Variants in C5 observed in about 807,000 individuals in gnomAD.
The protein encoded by C5 is C3 and PZP-like alpha-2-macroglobulin domain-containing protein 4.
C5 carries 140 observed loss-of-function variants against 218.8 expected under a neutral mutation model. That is an observed-to-expected ratio of 0.64 (90% CI 0.56 to 0.74). The LOEUF (loss-of-function observed/expected upper bound fraction) is 0.74. Ranked by LOEUF, C5 falls within the 30% of genes least tolerant of loss-of-function variation. The pLI is 0.00. For synonymous variants in C5, 614 were observed against 682.3 expected, an observed-to-expected ratio of 0.90 and a Z score of 1.56; for missense variants, 1,700 against 1,969.6, an observed-to-expected ratio of 0.86 and a Z score of 2.59.
At chr9:121,008,368 T>C (rs1022098692) in intron 18 of C5, 40 bp downstream of exon 18, 1 of 1,461,558 alleles carries the variant, frequency 6.8e-7, no homozygotes, top group Non-Finnish European at 9.6e-7. Flanking sequence ...ACTTGCATTA[T>C]CCACATTTCT....
chr9:121,062,027 G>C, the C5 span, among the ~76,000 whole-genome samples: 1 of 152,096 alleles, frequency 6.6e-6, no homozygotes, highest in African/African-American at 2.4e-5. Context: ...AGTAAGAAAG[G>C]ATATGATAAG....
chr9:121,054,170 A>G (rs890733556), upstream of C5, among the ~76,000 whole-genome samples: 3 of 152,218 alleles, frequency 2.0e-5, no homozygotes, highest in Non-Finnish European at 2.9e-5. Flanking sequence ...ACCAGCATTC[A>G]AGTTAAAATA....
intron 20 of C5, chr9:120,999,562 G>A: frequency 5.0e-6 from 1 of 201,254 alleles, no homozygotes; most frequent in South Asian, 7.1e-5. Flanking sequence ...ATCCAGCTAA[G>A]GCTAAAAATA....
At chr9:120,973,681 T>C (rs948635247) in intron 30 of C5, among the ~76,000 whole-genome samples, 3 of 152,222 alleles carry the variant, frequency 2.0e-5, no homozygotes, top group African/African-American at 7.2e-5. Context: ...AATTTTTGCA[T>C]TAAATTTTAT....
intron 17 of C5, 84 bp downstream of exon 17, chr9:121,013,789 A>G: frequency 8.4e-7 from 1 of 1,190,902 alleles, no homozygotes; most frequent in Non-Finnish European, 1.2e-6. Flanking sequence ...TAAATAGATC[A>G]TGAAAACTGC....
chr9:120,979,093 C>T (rs894902312), intron 28 of C5, among the ~76,000 whole-genome samples: 2 of 152,168 alleles, frequency 1.3e-5, no homozygotes, highest in African/African-American at 4.8e-5. Context: ...CCTTCCCTTG[C>T]TCCCTCACTT....
intron 30 of C5, among the ~76,000 whole-genome samples, chr9:120,974,522 T>C (rs1007480113): frequency 6.6e-6 from 1 of 152,246 alleles, no homozygotes; most frequent in African/African-American, 2.4e-5. Flanking sequence ...GGCCCCTCTG[T>C]ACTTCCATGT....
intron 37 of C5, 51 bp downstream of exon 37, chr9:120,961,431 A>G: frequency 8.5e-7 from 1 of 1,181,278 alleles, no homozygotes; most frequent in South Asian, 1.2e-5. Context: ...TCAGGTTATG[A>G]ACGACTGCTT....
chr9:120,959,232 A>ATTTC (rs36185563), intron 38 of C5, among the ~76,000 whole-genome samples: 11,215 of 144,756 alleles, frequency 0.077, 456 homozygotes, highest in Non-Finnish European at 0.093. Flanking sequence ...CACCCTTCAA[A>ATTTC]TTTCTTTCTT....
At chr9:121,008,616 A>G in intron 17 of C5, 118 bp from the exon 18 acceptor site, 1 of 762,132 alleles carries the variant, frequency 1.3e-6, no homozygotes, top group Non-Finnish European at 2.3e-6. Context: ...TAAATAAAAC[A>G]TTTTGTTTAA....
At position 121,017,639 on chromosome 9, in the gene C5, T is replaced by C. The variant is rs762265730; in HGVS notation, c.1716+4A>G. On this transcript the variant is annotated splice_donor_region_variant and intron_variant, in intron 13 of 40. Transcript: ENST00000223642. Reference sequence around the variant, plus strand: ...TCAATTGTGACTTATAATTTGTGGCTTACCTGGAGCTGGTTGCCACATTTT... The same window carrying C: ...TCAATTGTGACTTATAATTTGTGGCCTACCTGGAGCTGGTTGCCACATTTT... The C allele has an allele frequency of 3.1e-6, 5 of 1,611,952 alleles. No individual in the cohort carries two copies. The highest frequency in any genetic ancestry group is 3.4e-6 in the Non-Finnish European group (4 of 1,178,312).
rs750189746 is a variant in C5, at chr9:120,989,686, C to G, written c.3036G>C (p.Leu1012=). 3.1e-6 allele frequency: 5 copies of G among 1,613,808 alleles called. No homozygotes were observed. Among genetic ancestry groups the G allele is most frequent in the African/African-American group, 2.7e-5 (2 of 74,892 alleles). The stretch of plus-strand genomic sequence containing the variant: ...CATAGAATACTGGGACAACGCTCAT[C>G]AGCTCCGCCTCTGCACTCCCTTTGG... ...HLPKGSAEAE[L]MSVVPVFYVF... is the part of the protein sequence containing the mutation. Residue 1012 remains leucine, a synonymous_variant, in exon 24 of 41, where the codon CTG becomes CTC. Transcript: ENST00000223642.
At chr9:121,012,189 C>T (rs1301464445) in intron 17 of C5, among the ~76,000 whole-genome samples, 1 of 151,834 alleles carries the variant, frequency 6.6e-6, no homozygotes, top group East Asian at 1.9e-4. Context: ...ATGATTGTTA[C>T]TTATTGCATT....
chr9:121,059,540 T>C, the C5 span, among the ~76,000 whole-genome samples: 2 of 152,224 alleles, frequency 1.3e-5, no homozygotes, highest in Non-Finnish European at 2.9e-5. The surrounding 1 kb of genome is among the most constrained non-coding windows in gnomAD (Gnocchi z 4.1). Flanking sequence ...TAATACCTGT[T>C]ACTCATCCAG....
chr9:120,985,703 T>C (rs921543775), intron 25 of C5, among the ~76,000 whole-genome samples: 2 of 152,158 alleles, frequency 1.3e-5, no homozygotes, highest in African/African-American at 4.8e-5. Flanking sequence ...AGTTACAGAA[T>C]GATAGGTATA....
Position 121,017,501 on chromosome 9 carries a change from G to A in C5, c.1727C>T (p.Ser576Phe), listed in dbSNP as rs1372367078. 4 of 1,613,430 alleles carry A rather than the reference G, an allele frequency of 2.5e-6. No individual in the cohort carries two copies. The highest frequency in any genetic ancestry group is 1.6e-4 in the Middle Eastern group (1 of 6,084). The stretch of plus-strand genomic sequence containing the variant: ...TGGAGAATATGCATCTGCATCAGGA[G>A]ACAGATGAACCTAAAAGTTCATTTG... ...KCGNQLQVHL[S>F]PDADAYSPGQ... Residue 576 changes from serine to phenylalanine, a missense_variant, in exon 14 of 41, where the codon TCT becomes TTT. By Grantham distance (155) the Ser-to-Phe change is radical (BLOSUM62 -2). Transcript: ENST00000223642.
the C5 span, among the ~76,000 whole-genome samples, chr9:121,056,873 G>A: frequency 6.6e-6 from 1 of 151,978 alleles, no homozygotes; most frequent in East Asian, 1.9e-4. Flanking sequence ...GAATATCTAG[G>A]TACAAAAAAA....
the C5 span, among the ~76,000 whole-genome samples, chr9:121,070,854 T>C: frequency 1.3e-5 from 2 of 152,148 alleles, no homozygotes; most frequent in African/African-American, 2.4e-5. Context: ...ATATATTATA[T>C]AGTTTCAAAT....
chr9:120,980,208 T>C lies in C5; in HGVS notation c.3533A>G (p.Asn1178Ser), dbSNP rs367889830. Residue 1178 changes from asparagine to serine, a missense_variant, in exon 28 of 41, where the codon AAT becomes AGT. Transcript: ENST00000223642. ...LIKADNFLLE[N>S]TLPAQSTFTL... ...AAAGGTGCTCTGGGCTGGCAGTGTA[T>C]TTTCAAGCAGAAAGTTGTCAGCTTT... 3.7e-6 allele frequency: 6 copies of C among 1,614,062 alleles called. No individual in the cohort carries two copies. Among genetic ancestry groups the C allele is most frequent in the Non-Finnish European group, 5.1e-6 (6 of 1,180,030 alleles).
Sources: gnomAD v4.1 joint callset for allele counts (sites outside exome capture counted in the v4.1 genomes callset) on GRCh38, gnomAD v4.1.1 for gene constraint, Gnocchi (gnomAD v3.1) non-coding constraint, MANE v1.5 for transcripts, NCBI Gene and HGNC (gene_info 2026-07-23, HGNC 2026-07-21) for gene names.